The following MARK4 variants were observed in gnomAD, a reference collection of about 807,000 sequenced individuals.
MARK4 encodes MAP/microtubule affinity-regulating kinase 4.
In MARK4, 19 loss-of-function variants were observed where a neutral mutation model predicts 81.5. The ratio of observed to expected loss-of-function variants is 0.23; its 90% CI spans 0.16 to 0.34. The LOEUF (loss-of-function observed/expected upper bound fraction) is 0.34. Ranked by LOEUF, MARK4 falls within the 10% of genes least tolerant of loss-of-function variation. The pLI is 1.00. For missense variants in MARK4, 772 were observed against 1,058.8 expected, an observed-to-expected ratio of 0.73 and a Z score of 3.76; for synonymous variants, 436 against 439.0, an observed-to-expected ratio of 0.99 and a Z score of 0.08.
chr19:45,302,014 A>G lies in MARK4; in HGVS notation c.1923-360A>G, dbSNP rs1031870811. Among the ~76,000 whole-genome samples the G allele has an allele frequency of 5.3e-5, 8 of 152,198 alleles. No homozygotes were observed. Among genetic ancestry groups the G allele is most frequent in the African/African-American group, 1.9e-4 (8 of 41,452 alleles). ...ATCCCGATTCCCTGGAGCCCTTGTC[A>G]TCTTCACAGTTGAGGCTGGCCTGTG... is the stretch of plus-strand genomic sequence containing the variant. On this transcript the variant is annotated intron_variant, in intron 16 of 16. Transcript: ENST00000262891. The surrounding 1 kb of genome is among the most constrained non-coding windows in gnomAD (Gnocchi z 4.9).
At chr19:45,259,298 G>A (rs1163670184) in intron 2 of MARK4, 109 bp downstream of exon 2, 21 of 1,209,630 alleles carry the variant, frequency 1.7e-5, no homozygotes, top group Non-Finnish European at 2.0e-5. Context: ...GTGGCCTCAG[G>A]TAAGTTCCCG....
chr19:45,268,455 G>A (rs946172029), intron 7 of MARK4, among the ~76,000 whole-genome samples: 6 of 151,860 alleles, frequency 4.0e-5, no homozygotes, highest in Non-Finnish European at 8.8e-5. Flanking sequence ...GTTGTGGCGC[G>A]TGCCTATAAT....
chr19:45,285,798 G>A (rs972813074), intron 12 of MARK4, among the ~76,000 whole-genome samples: 3 of 152,084 alleles, frequency 2.0e-5, no homozygotes, highest in Admixed American at 2.0e-4. Flanking sequence ...AGCATGTATC[G>A]CTCCTGAGGA....
At chr19:45,256,127 C>T (rs1033890275) in intron 1 of MARK4, among the ~76,000 whole-genome samples, 1 of 152,218 alleles carries the variant, frequency 6.6e-6, no homozygotes, top group African/African-American at 2.4e-5. Context: ...TCAACCAGGT[C>T]TCAGGGCCAG....
Position 45,277,972 on chromosome 19 carries a change from T to C in MARK4, c.836T>C (p.Met279Thr). The C allele has an allele frequency of 6.2e-7, 1 of 1,613,880 alleles. No homozygotes were observed. The highest frequency in any genetic ancestry group is 8.5e-7 in the Non-Finnish European group (1 of 1,179,964). ...GGGAAGTACCGGGTCCCTTTCTACA[T>C]GTCAACAGACTGTGAGAGCATCCTG... Reference protein sequence around the residue: ...LRGKYRVPFYMSTDCESILRR... With the variant: ...LRGKYRVPFYTSTDCESILRR... Residue 279 changes from methionine (M) to threonine (T), a missense_variant, in exon 9 of 17, where the codon ATG becomes ACG. By Grantham distance (81) the Met-to-Thr change is moderately conservative. Coordinates refer to ENST00000262891, the MANE Select transcript of MARK4 (RefSeq NM_001199867.2).
intron 12 of MARK4, among the ~76,000 whole-genome samples, chr19:45,281,178 G>A (rs1045637025): frequency 2.0e-5 from 3 of 151,626 alleles, no homozygotes; most frequent in East Asian, 1.9e-4. Context: ...TTAGGCTCCC[G>A]AGTAGCTGGG....
intron 13 of MARK4, chr19:45,288,262 A>T (rs954857319): frequency 2.0e-5 from 3 of 150,130 alleles, no homozygotes; most frequent in African/African-American, 4.9e-5. Context: ...ATAGTAATTT[A>T]AAAAATCAGG....
Position 45,271,713 on chromosome 19 carries a change from C to G in MARK4, c.786+5C>G. On this transcript the variant is annotated splice_donor_5th_base_variant and intron_variant, in intron 8 of 16. Transcript: ENST00000262891. This position sits in a 1 kb window ranked among gnomAD's most constrained non-coding sequence, Gnocchi z 4.1. ...TTCGACGGGCACAACCTCAAGGTACCGAGAGGGGCTGGGTGCAGGGGCATC... is the reference window on the plus strand; with the variant it reads ...TTCGACGGGCACAACCTCAAGGTACGGAGAGGGGCTGGGTGCAGGGGCATC... 1 of 1,613,374 alleles carries G rather than the reference C, an allele frequency of 6.2e-7. No individual in the cohort carries two copies. The highest frequency in any genetic ancestry group is 8.5e-7 in the Non-Finnish European group (1 of 1,179,588).
At chr19:45,289,021 C>T (rs566312291) in intron 13 of MARK4, among the ~76,000 whole-genome samples, 15 of 152,218 alleles carry the variant, frequency 9.9e-5, no homozygotes, top group African/African-American at 3.6e-4. Context: ...CAGGTTACTA[C>T]CAGTCAAGTC....
chr19:45,277,877 T>TG (rs775839353), intron 8 of MARK4, 46 bp from the exon 9 acceptor site: 4 of 1,508,668 alleles, frequency 2.7e-6, no homozygotes, highest in East Asian at 2.4e-5. Flanking sequence ...GTGTAATAGG[T>TG]GGGGGGCGGG....
chr19:45,283,974 A>G (rs1174215393), intron 12 of MARK4, among the ~76,000 whole-genome samples: 1 of 151,564 alleles, frequency 6.6e-6, no homozygotes, highest in Non-Finnish European at 1.5e-5. Context: ...TGTCTTACAT[A>G]TCTCACCTTA....
At chr19:45,264,094 C>A (rs562554364) in intron 4 of MARK4, among the ~76,000 whole-genome samples, 2 of 152,224 alleles carry the variant, frequency 1.3e-5, no homozygotes, top group African/African-American at 4.8e-5. Flanking sequence ...CATTCATTTA[C>A]TCAGTAATTA....
intron 8 of MARK4, among the ~76,000 whole-genome samples, chr19:45,275,446 C>G (rs767243930): frequency 6.6e-6 from 1 of 151,992 alleles, no homozygotes; most frequent in Non-Finnish European, 1.5e-5. Flanking sequence ...GATCACGCCA[C>G]TGCACTCCAG....
intron 12 of MARK4, among the ~76,000 whole-genome samples, chr19:45,286,468 G>A (rs1332971988): frequency 1.3e-5 from 2 of 151,868 alleles, no homozygotes; most frequent in African/African-American, 4.8e-5. Flanking sequence ...CCAGCACTTT[G>A]GGAGGCCAAG....
Position 45,278,542 on chromosome 19 carries a change from C to T in MARK4, c.933C>T (p.Asn311=), listed in dbSNP as rs1205773872. ...LEQIMKDKWI[N]IGYEGEELKP... ...AAATCATGAAAGACAAATGGATCAA[C>T]ATCGGCTATGAGGGTGAGGAGTTGA... The change falls in exon 10 of 17, where the codon AAC becomes AAT. Residue 311 remains asparagine (N), a synonymous_variant. Transcript: ENST00000262891. 6.2e-7 allele frequency: 1 copy of T among 1,614,076 alleles called. No homozygotes were observed. The highest frequency in any genetic ancestry group is 8.5e-7 in the Non-Finnish European group (1 of 1,179,984).
intron 7 of MARK4, among the ~76,000 whole-genome samples, chr19:45,269,103 G>T: frequency 6.6e-6 from 1 of 152,330 alleles, no homozygotes; most frequent in African/African-American, 2.4e-5. Context: ...CTGGCCTGGC[G>T]TGACGGCTCA....
chr19:45,295,152 A>G (rs1424689182), intron 14 of MARK4, among the ~76,000 whole-genome samples: 1 of 151,254 alleles, frequency 6.6e-6, no homozygotes, highest in African/African-American at 2.4e-5. Flanking sequence ...GATCGAGACC[A>G]TCCTGGCTAA....
intron 1 of MARK4, 148 bp from the exon 2 acceptor site, chr19:45,258,841 G>T: frequency 1.4e-5 from 11 of 809,646 alleles, no homozygotes; most frequent in Non-Finnish European, 2.1e-5. Context: ...TTTTTGTAGA[G>T]AAAGATGAAG....
chr19:45,278,165 T>C (rs1970625960), intron 9 of MARK4, 123 bp downstream of exon 9: 2 of 1,394,006 alleles, frequency 1.4e-6, no homozygotes, highest in Admixed American at 4.4e-5. Context: ...ACCGAAGATC[T>C]GCTGCTGGTG....
Sources: gnomAD v4.1 joint callset for allele counts (sites outside exome capture counted in the v4.1 genomes callset) on GRCh38, gnomAD v4.1.1 for gene constraint, Gnocchi (gnomAD v3.1) non-coding constraint, MANE v1.5 for transcripts, NCBI Gene and HGNC (gene_info 2026-07-23, HGNC 2026-07-21) for gene names.